The following RPF1 variants were observed in gnomAD, a reference collection of about 807,000 sequenced individuals.
The protein encoded by RPF1 is ribosome production factor 1.
In RPF1, 34 loss-of-function variants were observed where a neutral mutation model predicts 41.9. The observed-to-expected ratio is 0.81, with a 90% CI of 0.62 to 1.08. The LOEUF (loss-of-function observed/expected upper bound fraction) is 1.08. RPF1 is among the 50% of genes least tolerant of loss of function. The probability of loss-of-function intolerance (pLI) is 0.00; values close to 1 mark genes in which losing one functional copy is unlikely to be tolerated. For synonymous variants in RPF1, 140 were observed against 148.9 expected (o/e 0.94, Z 0.43); for missense variants, 425 against 435.2 (o/e 0.98, Z 0.21).
intron 1 of RPF1, among the ~76,000 whole-genome samples, chr1:84,480,248 C>T (rs1485578323): frequency 1.3e-5 from 2 of 152,162 alleles, no homozygotes; most frequent in African/African-American, 4.8e-5. Flanking sequence ...GGGCGTTTAA[C>T]TCATTCTGGT....
intron 2 of RPF1, among the ~76,000 whole-genome samples, chr1:84,481,769 G>A (rs1681655010): frequency 1.3e-5 from 2 of 152,048 alleles, no homozygotes; most frequent in East Asian, 3.8e-4. Flanking sequence ...CCTAGGTTGT[G>A]ATTTATTTTT....
intron 3 of RPF1, among the ~76,000 whole-genome samples, chr1:84,487,884 T>A (rs1570348293): frequency 6.6e-6 from 1 of 152,250 alleles, no homozygotes; most frequent in East Asian, 1.9e-4. Context: ...AGTTCATTTA[T>A]ATATAACCAG....
At chr1:84,490,523 T>A in intron 5 of RPF1, 51 bp downstream of exon 5, 1 of 1,253,188 alleles carries the variant, frequency 8.0e-7, no homozygotes, top group Non-Finnish European at 1.1e-6. Flanking sequence ...CTCACCCCCC[T>A]TAAAAATATA....
At chr1:84,482,497 A>C (rs1280376278) in intron 2 of RPF1, among the ~76,000 whole-genome samples, 1 of 152,238 alleles carries the variant, frequency 6.6e-6, no homozygotes, top group Non-Finnish European at 1.5e-5. Flanking sequence ...AATGGATAAC[A>C]ACTAGACTTT....
At chr1:84,495,523 G>A (rs1306291071) in intron 6 of RPF1, 68 bp downstream of exon 6, 1 of 717,152 alleles carries the variant, frequency 1.4e-6, no homozygotes, top group Non-Finnish European at 2.3e-6. Context: ...AATAGATGCT[G>A]TATCTTATAG....
Position 84,481,031 on chromosome 1 carries a change from T to A in RPF1, c.285+19T>A, listed in dbSNP as rs767176315. 3.3e-6 allele frequency: 5 copies of A among 1,494,128 alleles called. No homozygotes were observed. In the South Asian group the frequency reaches 5.9e-5, roughly 18 times the overall value. 92.6% of individuals were successfully genotyped at this position (1,494,128 alleles called of 1,614,324 possible). On this transcript the variant is annotated intron_variant, in intron 2 of 8. Transcript: ENST00000370654. Reference sequence around the variant, plus strand: ...CGATAAGGTAAATAAAATTTTTAGCTGTTTGCTTTCTATCTTATATTAGGG... The same window carrying A: ...CGATAAGGTAAATAAAATTTTTAGCAGTTTGCTTTCTATCTTATATTAGGG...
chr1:84,490,568 CAGAAAATAATTTT>C (rs1350311243), intron 5 of RPF1, 96 bp downstream of exon 5: 4 of 877,930 alleles, frequency 4.6e-6, no homozygotes, highest in Non-Finnish European at 6.7e-6. Flanking sequence ...CTATAACTTT[CAGAAAATAATTTT>C]TTTATCAGAA....
At chr1:84,488,723 T>A (rs1470293499) in intron 3 of RPF1, among the ~76,000 whole-genome samples, 4 of 152,176 alleles carry the variant, frequency 2.6e-5, no homozygotes, top group Non-Finnish European at 5.9e-5. Flanking sequence ...TAAATTTTAC[T>A]TATTCTTATG....
intron 4 of RPF1, among the ~76,000 whole-genome samples, chr1:84,489,934 A>C (rs918664989): frequency 3.3e-5 from 5 of 152,234 alleles, no homozygotes; most frequent in African/African-American, 1.2e-4. Context: ...CAACATTGTT[A>C]ACATTTTAGC....
intron 3 of RPF1, among the ~76,000 whole-genome samples, chr1:84,483,597 C>T (rs572408264): frequency 1.3e-5 from 2 of 152,194 alleles, no homozygotes; most frequent in South Asian, 2.1e-4. Context: ...CTTGTACTAT[C>T]GACTTTTGTA....
intron 3 of RPF1, among the ~76,000 whole-genome samples, chr1:84,487,832 A>C (rs1681761641): frequency 6.6e-6 from 1 of 152,066 alleles, no homozygotes. Flanking sequence ...ATTTTGAATT[A>C]GTTTTAATGT....
intron 5 of RPF1, among the ~76,000 whole-genome samples, chr1:84,491,348 G>A (rs775492868): frequency 7.9e-5 from 12 of 152,008 alleles, no homozygotes; most frequent in Non-Finnish European, 1.0e-4. Context: ...ACAAAATAGG[G>A]ACAAGACTTT....
chr1:84,491,362 T>C (rs1032410663), intron 5 of RPF1, among the ~76,000 whole-genome samples: 7 of 152,330 alleles, frequency 4.6e-5, no homozygotes, highest in Middle Eastern at 3.4e-3. Flanking sequence ...AGACTTTCTG[T>C]GCTGCCAGAA....
chr1:84,484,193 C>T (rs1681700595), intron 3 of RPF1, among the ~76,000 whole-genome samples: 1 of 152,134 alleles, frequency 6.6e-6, no homozygotes, highest in African/African-American at 2.4e-5. Flanking sequence ...TTTATTTTGA[C>T]ATTATTTCAG....
At chr1:84,482,568 C>T (rs1323963463) in intron 2 of RPF1, among the ~76,000 whole-genome samples, 2 of 152,000 alleles carry the variant, frequency 1.3e-5, no homozygotes, top group Non-Finnish European at 2.9e-5. Context: ...ACGGATGTCG[C>T]TTTGTTATTT....
rs1259431082 is a variant in RPF1 at position 84,479,341 on chromosome 1, C to T, written c.60C>T (p.Ala20=). The T allele has an allele frequency of 6.2e-6, 10 of 1,612,878 alleles. No individual in the cohort carries two copies. The highest frequency in any genetic ancestry group is 1.1e-5 in the South Asian group (1 of 91,030). The change falls in exon 1 of 9, where the codon GCC becomes GCT. Residue 20 remains alanine (A), a synonymous_variant. Coordinates refer to ENST00000370654, the MANE Select transcript of RPF1 (RefSeq NM_025065.7). ...GGAAGAAAAGTCTAAAACGGAAAGCCGCTGCCGAAGAACTTCAGGAGGCTG... is the reference window on the plus strand; with the variant it reads ...GGAAGAAAAGTCTAAAACGGAAAGCTGCTGCCGAAGAACTTCAGGAGGCTG... ...SSGKKSLKRK[A]AAEELQEAAG... is the part of the protein sequence containing the mutation.
intron 3 of RPF1, among the ~76,000 whole-genome samples, chr1:84,487,468 G>A (rs1316691172): frequency 2.0e-5 from 3 of 152,000 alleles, no homozygotes; most frequent in African/African-American, 2.4e-5. Context: ...TATATTTTAC[G>A]CATTTGTGGA....
At position 84,488,350 on chromosome 1, in the gene RPF1, G is replaced by C. The variant is rs182718129; in HGVS notation, c.367-1283G>C. The stretch of plus-strand genomic sequence containing the variant: ...TAGAGCTATTCCTGGATATCTTACA[G>C]TTTTTGTTGGTGTAAACTGCATGTC... On this transcript the variant is annotated intron_variant, in intron 3 of 8. Coordinates refer to ENST00000370654, the MANE Select transcript of RPF1 (RefSeq NM_025065.7). Among the ~76,000 whole-genome samples the C allele has an allele frequency of 8.0e-4, 122 of 152,148 alleles. 1 individual carries two copies. The highest frequency in any genetic ancestry group is 3.4e-3 in the Middle Eastern group (1 of 294).
chr1:84,488,706 G>A (rs1681777813), intron 3 of RPF1, among the ~76,000 whole-genome samples: 1 of 151,854 alleles, frequency 6.6e-6, no homozygotes, highest in Non-Finnish European at 1.5e-5. Flanking sequence ...ATGAGTTAAG[G>A]GTTAAGTAAA....
Sources: gnomAD v4.1 joint callset for allele counts (sites outside exome capture counted in the v4.1 genomes callset) on GRCh38, gnomAD v4.1.1 for gene constraint, MANE v1.5 for transcripts, NCBI Gene and HGNC (gene_info 2026-07-23, HGNC 2026-07-21) for gene names.